The following TACC2 variants were observed in gnomAD, a reference collection of about 807,000 sequenced individuals.
TACC2 encodes the protein transforming acidic coiled-coil containing protein 2.
TACC2 carries 137 observed loss-of-function variants against 227.3 expected under a neutral mutation model. The observed-to-expected ratio is 0.60, with a 90% CI of 0.52 to 0.69. The LOEUF (loss-of-function observed/expected upper bound fraction) is 0.69. Among genes scored for constraint, TACC2 ranks in the 30% least tolerant of loss-of-function variants. The probability of loss-of-function intolerance (pLI) is 0.00; values close to 1 mark genes in which losing one functional copy is unlikely to be tolerated. For missense variants in TACC2, 3,470 were observed against 3,694.4 expected (o/e 0.94, Z 1.57); for synonymous variants, 1,523 against 1,487.5 (o/e 1.02, Z -0.55).
intron 8 of TACC2, among the ~76,000 whole-genome samples, chr10:122,195,931 T>TA (rs1293492828): frequency 6.6e-6 from 1 of 152,148 alleles, no homozygotes; most frequent in Non-Finnish European, 1.5e-5. Context: ...CCCCACAACT[T>TA]ACAGGACCCC....
intron 7 of TACC2, among the ~76,000 whole-genome samples, chr10:122,164,854 G>A (rs764230372): frequency 6.6e-6 from 1 of 152,212 alleles, no homozygotes; most frequent in Non-Finnish European, 1.5e-5. Context: ...GGACTTGGGG[G>A]TAGGGGTAGT....
At chr10:122,153,319 A>G (rs180937002) in intron 7 of TACC2, among the ~76,000 whole-genome samples, 156 of 152,342 alleles carry the variant, frequency 1.0e-3, no homozygotes, top group Middle Eastern at 3.4e-3. Context: ...CTTAATGTGC[A>G]TAACAGTCCT....
rs557764714 is a variant in TACC2 at position 122,253,427 on chromosome 10, C to G, written c.8782-564C>G. Among the ~76,000 whole-genome samples, 14 of 152,258 alleles carry G rather than the reference C, an allele frequency of 9.2e-5. No homozygotes were observed. The South Asian group carries it at 2.9e-3, about 32-fold the overall frequency. On this transcript the variant is annotated intron_variant, in intron 22 of 22. Transcript: ENST00000369005. ...CTGTGGTTGGTTCCCCTTGATTAGA[C>G]AGGCAAGGTGTGGTGGGAGAATCAC...
chr10:122,179,830 A>G (rs2093903447), intron 7 of TACC2, among the ~76,000 whole-genome samples: 1 of 152,150 alleles, frequency 6.6e-6, no homozygotes, highest in Non-Finnish European at 1.5e-5. Flanking sequence ...CTGTAGTCCC[A>G]GTTATTTGGG....
chr10:122,225,063 T>TA (rs1488151146), intron 12 of TACC2, among the ~76,000 whole-genome samples: 1 of 129,634 alleles, frequency 7.7e-6, no homozygotes. Flanking sequence ...AGAGATTTCT[T>TA]TAAAAAAAAA....
At chr10:122,232,360 A>T (rs2095771475) in intron 16 of TACC2, among the ~76,000 whole-genome samples, 1 of 152,142 alleles carries the variant, frequency 6.6e-6, no homozygotes, top group Non-Finnish European at 1.5e-5. Context: ...GAGTGTGCTG[A>T]GTGCTTTGGT....
intron 5 of TACC2, among the ~76,000 whole-genome samples, chr10:122,099,040 T>C (rs1193979074): frequency 1.3e-5 from 2 of 152,184 alleles, no homozygotes; most frequent in Non-Finnish European, 2.9e-5. Flanking sequence ...GGAGTACGCC[T>C]GTGTGGTGAG....
chr10:122,007,217 C>A (rs1383106227), intron 1 of TACC2, among the ~76,000 whole-genome samples: 1 of 151,796 alleles, frequency 6.6e-6, no homozygotes, highest in East Asian at 1.9e-4. Context: ...ATCTGTTATC[C>A]CTTGGGTGCC....
intron 2 of TACC2, among the ~76,000 whole-genome samples, chr10:122,047,804 A>G (rs561309072): frequency 8.5e-5 from 13 of 152,380 alleles, no homozygotes; most frequent in African/African-American, 2.4e-4. Context: ...TAAGTGCTCA[A>G]TAACAGGAGC....
intron 5 of TACC2, among the ~76,000 whole-genome samples, chr10:122,115,645 G>T (rs978319363): frequency 1.3e-5 from 2 of 152,206 alleles, no homozygotes; most frequent in Non-Finnish European, 2.9e-5. Context: ...TGAAAGAAAG[G>T]GTCTCTGGGC....
chr10:122,001,009 G>T (rs994734305), intron 1 of TACC2, among the ~76,000 whole-genome samples: 1 of 152,190 alleles, frequency 6.6e-6, no homozygotes, highest in Non-Finnish European at 1.5e-5. Flanking sequence ...TTTTAATAGA[G>T]ACATGGTTTC....
chr10:122,077,749 G>A (rs1265152072), intron 3 of TACC2, among the ~76,000 whole-genome samples: 2 of 152,248 alleles, frequency 1.3e-5, no homozygotes, highest in Non-Finnish European at 2.9e-5. Context: ...ACAAGGCAAC[G>A]GGAGGCAGCG....
chr10:122,249,034 TGCC>T lies in TACC2; in HGVS notation c.8554-15_8554-13del. On this transcript the variant is annotated splice_polypyrimidine_tract_variant and intron_variant, in intron 20 of 22. Transcript: ENST00000369005. Reference sequence around the variant, plus strand: ...TCTCGTGGGCTTGACGCCTGTCCTCTGCCCTGCTGTGTCAGAATGAAGAGGTGT... The same window carrying T: ...TCTCGTGGGCTTGACGCCTGTCCTCTCTGCTGTGTCAGAATGAAGAGGTGT... 2 of 1,607,536 alleles carry T rather than the reference TGCC, an allele frequency of 1.2e-6. No individual in the cohort carries two copies. Among genetic ancestry groups the T allele is most frequent in the South Asian group, 2.2e-5 (2 of 89,830 alleles).
At chr10:122,034,925 C>T (rs1959760922) in intron 2 of TACC2, among the ~76,000 whole-genome samples, 1 of 104,422 alleles carries the variant, frequency 9.6e-6, no homozygotes, top group South Asian at 3.5e-4. Context: ...GAGACTCCAT[C>T]TCAAAAAAAA....
intron 2 of TACC2, among the ~76,000 whole-genome samples, chr10:122,048,497 T>G (rs1177320861): frequency 3.6e-5 from 5 of 137,136 alleles, no homozygotes; most frequent in Non-Finnish European, 7.8e-5. Flanking sequence ...TCTCTCCCTC[T>G]TCCTTTCTTT....
intron 1 of TACC2, among the ~76,000 whole-genome samples, chr10:122,004,395 C>G (rs1239123757): frequency 7.6e-6 from 1 of 132,128 alleles, no homozygotes; most frequent in East Asian, 2.3e-4. Context: ...GAGACTCTGT[C>G]TCAAAAAAAA....
chr10:122,044,788 C>T (rs983877445), intron 2 of TACC2, among the ~76,000 whole-genome samples: 1 of 151,712 alleles, frequency 6.6e-6, no homozygotes, highest in Non-Finnish European at 1.5e-5. Flanking sequence ...AAATAGACTC[C>T]AGGCTCTGGA....
intron 2 of TACC2, among the ~76,000 whole-genome samples, chr10:122,026,073 C>CT (rs1288866612): frequency 1.3e-5 from 2 of 149,390 alleles, no homozygotes; most frequent in East Asian, 2.0e-4. Context: ...AATCCCAGCA[C>CT]TTTGGGAGGC....
At chr10:122,198,703 C>T (rs770918185) in intron 8 of TACC2, among the ~76,000 whole-genome samples, 2 of 152,238 alleles carry the variant, frequency 1.3e-5, no homozygotes, top group Non-Finnish European at 2.9e-5. Flanking sequence ...CCAGGCCTCC[C>T]CACTTCCAAG....
Sources: allele counts gnomAD v4.1 joint callset (sites outside exome capture counted in the v4.1 genomes callset), GRCh38; gene constraint gnomAD v4.1.1; transcripts MANE v1.5; gene names NCBI Gene and HGNC (gene_info 2026-07-23, HGNC 2026-07-21).